The following CRTC1 variants were observed in gnomAD, a reference collection of about 807,000 sequenced individuals.
CRTC1 encodes CREB-regulated transcription coactivator 1.
Under a neutral mutation model 66.1 loss-of-function variants are expected in CRTC1, and 18 were observed. That is an observed-to-expected ratio of 0.27 (90% confidence interval 0.19 to 0.40). CRTC1 has a LOEUF of 0.40. Among genes scored for constraint, CRTC1 ranks in the 10% least tolerant of loss-of-function variants. The pLI, the probability that CRTC1 is intolerant of heterozygous loss-of-function variation, is 1.00. For synonymous variants in CRTC1, 416 were observed against 398.8 expected (o/e 1.04, Z -0.51); for missense variants, 669 against 887.9 (o/e 0.75, Z 3.13).
At chr19:18,700,115 C>T (rs774076885) in intron 1 of CRTC1, among the ~76,000 whole-genome samples, 1 of 152,192 alleles carries the variant, frequency 6.6e-6, no homozygotes, top group African/African-American at 2.4e-5. Flanking sequence ...AACGTCACCA[C>T]TATAGCGGCT....
At chr19:18,727,617 A>G (rs2053791566) in intron 1 of CRTC1, among the ~76,000 whole-genome samples, 2 of 150,806 alleles carry the variant, frequency 1.3e-5, no homozygotes, top group Admixed American at 1.3e-4. Context: ...AGGGAAAAGG[A>G]CACAAGCAGA....
At chr19:18,714,584 G>A (rs762253509) in intron 1 of CRTC1, among the ~76,000 whole-genome samples, 2 of 152,198 alleles carry the variant, frequency 1.3e-5, no homozygotes, top group Non-Finnish European at 2.9e-5. Flanking sequence ...GGGATTACAG[G>A]TGTGAGCCAC....
chr19:18,760,025 A>T lies in CRTC1; in HGVS notation c.683A>T (p.Asp228Val). ...VPGINIFPSA[D>V]QENTTALIPA... Reference sequence around the variant, plus strand: ...TTTCCCAGCATCTTCCCGTCTGCCGACCAGGAAAACACTACAGCCCTGATC... The same window carrying T: ...TTTCCCAGCATCTTCCCGTCTGCCGTCCAGGAAAACACTACAGCCCTGATC... Residue 228 changes from aspartate to valine, a missense_variant, in exon 8 of 14, where the codon GAC becomes GTC. Around this residue, in one of 8 missense-constraint regions of CRTC1, gnomAD observed 214 missense variants for 323.4 expected, o/e 0.66. Transcript: ENST00000321949. The surrounding 1 kb of genome is among the most constrained non-coding windows in gnomAD (Gnocchi z 6.2). 1 of 1,534,912 alleles carries T rather than the reference A, an allele frequency of 6.5e-7. No individual in the cohort carries two copies. Among genetic ancestry groups the T allele is most frequent in the Non-Finnish European group, 8.9e-7 (1 of 1,129,658 alleles).
intron 12 of CRTC1, 36 bp from the exon 13 acceptor site, chr19:18,775,605 G>T (rs56033554): frequency 1.1e-5 from 16 of 1,515,118 alleles, no homozygotes; most frequent in Non-Finnish European, 1.4e-5. Flanking sequence ...GCAGGCCCGC[G>T]GTGGCCCTCA....
At chr19:18,713,848 G>A (rs1347088700) in intron 1 of CRTC1, among the ~76,000 whole-genome samples, 5 of 152,236 alleles carry the variant, frequency 3.3e-5, no homozygotes, top group African/African-American at 9.6e-5. Flanking sequence ...GCAGAGGTGG[G>A]AGCTGGAGGA....
chr19:18,738,697 G>A (rs1271577400), intron 1 of CRTC1, among the ~76,000 whole-genome samples: 3 of 152,224 alleles, frequency 2.0e-5, no homozygotes, highest in African/African-American at 7.2e-5. Context: ...CTACTCAGGA[G>A]GCTGAGGCAG....
At chr19:18,773,989 A>T (rs2054927853) in intron 11 of CRTC1, among the ~76,000 whole-genome samples, 1 of 152,192 alleles carries the variant, frequency 6.6e-6, no homozygotes, top group Non-Finnish European at 1.5e-5. Flanking sequence ...CTGTGGAGAC[A>T]TTCACCTGGA....
rs943432418 is a variant in CRTC1 at position 18,771,679 on chromosome 19, C to T, written c.1425+133C>T. The T allele has an allele frequency of 3.6e-5, 26 of 720,532 alleles. No individual in the cohort carries two copies. Among genetic ancestry groups the T allele is most frequent in the African/African-American group, 1.6e-4 (9 of 56,858 alleles). The allele number at this position is 720,532 out of a possible 1,614,324, so 44.6% of individuals were successfully genotyped here. A position where few individuals can be genotyped will look rare whatever the true frequency, so the allele number is the denominator to read the frequency against. On this transcript the variant is annotated intron_variant, in intron 11 of 13. Coordinates refer to ENST00000321949, the MANE Select transcript of CRTC1 (RefSeq NM_015321.3). This position sits in a 1 kb window ranked among gnomAD's most constrained non-coding sequence, Gnocchi z 4.6. ...GTCCTCATGCATCCCATCCCGTCCACGCCATCGGACCTGAGCTGTGCACCT... is the reference window on the plus strand; with the variant it reads ...GTCCTCATGCATCCCATCCCGTCCATGCCATCGGACCTGAGCTGTGCACCT...
chr19:18,743,672 G>A (rs184044373), intron 2 of CRTC1, among the ~76,000 whole-genome samples: 424 of 152,262 alleles, frequency 2.8e-3, no homozygotes, highest in African/African-American at 9.5e-3. Flanking sequence ...AAACCACCTC[G>A]GACACAGCCA....
intron 5 of CRTC1, among the ~76,000 whole-genome samples, chr19:18,752,520 T>A (rs747781172): frequency 6.6e-6 from 1 of 152,150 alleles, no homozygotes; most frequent in Non-Finnish European, 1.5e-5. Context: ...GGTTTTGCCA[T>A]GTTGCCCAGG....
At chr19:18,721,335 A>AGGCG (rs960023553) in intron 1 of CRTC1, among the ~76,000 whole-genome samples, 1 of 151,628 alleles carries the variant, frequency 6.6e-6, no homozygotes, top group Non-Finnish European at 1.5e-5. Flanking sequence ...CTGGGACTTC[A>AGGCG]GGCGCCCGCC....
chr19:18,772,479 C>T (rs565429786), intron 11 of CRTC1, among the ~76,000 whole-genome samples: 22 of 152,318 alleles, frequency 1.4e-4, no homozygotes, highest in African/African-American at 4.6e-4. Context: ...CTGCTGTGCC[C>T]GGGGCCCTGA....
intron 3 of CRTC1, 24 bp downstream of exon 3, chr19:18,745,984 G>T: frequency 1.3e-6 from 2 of 1,593,770 alleles, no homozygotes; most frequent in South Asian, 2.2e-5. Flanking sequence ...CAGAGGATGA[G>T]GGTGGGGGCC....
At chr19:18,734,799 G>A (rs1402044173) in intron 1 of CRTC1, among the ~76,000 whole-genome samples, 1 of 152,168 alleles carries the variant, frequency 6.6e-6, no homozygotes, top group African/African-American at 2.4e-5. Flanking sequence ...CCCTGGGGAG[G>A]GTCCGTCAGG....
In CRTC1 at chr19:18,771,949, C is replaced by T. The variant is rs948574335; in HGVS notation, c.1425+403C>T. 2.6e-5 allele frequency among the ~76,000 whole-genome samples: 4 copies of T among 152,182 alleles called. No homozygotes were observed. The highest frequency in any genetic ancestry group is 7.2e-5 in the African/African-American group (3 of 41,436). On this transcript the variant is annotated intron_variant, in intron 11 of 13. Coordinates refer to ENST00000321949, the MANE Select transcript of CRTC1 (RefSeq NM_015321.3). The surrounding 1 kb of genome is among the most constrained non-coding windows in gnomAD (Gnocchi z 4.6). ...GTGCAGCTGAGGTGGCTGGCCCGCC[C>T]GCAGGGAAGGCGCTGACTCTGCAGC...
intron 11 of CRTC1, among the ~76,000 whole-genome samples, chr19:18,774,181 A>C (rs1298229662): frequency 6.6e-6 from 1 of 151,974 alleles, no homozygotes; most frequent in Non-Finnish European, 1.5e-5. Flanking sequence ...CCTCGCCTCC[A>C]CACCCCAGCC....
chr19:18,750,150 T>C (rs1202237209), intron 5 of CRTC1, among the ~76,000 whole-genome samples: 1 of 152,212 alleles, frequency 6.6e-6, no homozygotes, highest in Non-Finnish European at 1.5e-5. Context: ...CCATGAAGTC[T>C]GGGTGCTGCA....
At chr19:18,714,026 T>A (rs1005162184) in intron 1 of CRTC1, among the ~76,000 whole-genome samples, 1 of 152,084 alleles carries the variant, frequency 6.6e-6, no homozygotes, top group Non-Finnish European at 1.5e-5. Context: ...CCTGGCACCC[T>A]AGCGTGCCCG....
chr19:18,715,296 C>T (rs574769018), intron 1 of CRTC1, among the ~76,000 whole-genome samples: 11 of 152,128 alleles, frequency 7.2e-5, no homozygotes, highest in South Asian at 2.1e-4. Flanking sequence ...GGTGCGATCT[C>T]GGCTCACTGC....
Sources: allele counts gnomAD v4.1 joint callset (sites outside exome capture counted in the v4.1 genomes callset), GRCh38; gene constraint gnomAD v4.1.1; regional missense constraint gnomAD v4.1.1; non-coding constraint Gnocchi (gnomAD v3.1); transcripts MANE v1.5; gene names NCBI Gene and HGNC (gene_info 2026-07-23, HGNC 2026-07-21).